Variants in ROBO1 observed in about 807,000 individuals in gnomAD.
ROBO1 encodes roundabout guidance receptor 1, also known as roundabout homolog 1.
Under a neutral mutation model 195.9 loss-of-function variants are expected in ROBO1, and 149 were observed. The observed-to-expected ratio is 0.76, with a 90% CI of 0.67 to 0.87. The LOEUF (loss-of-function observed/expected upper bound fraction) is 0.87. Among genes scored for constraint, ROBO1 ranks in the 40% least tolerant of loss-of-function variants. The pLI is 0.00. For missense variants in ROBO1, 1,933 were observed against 2,068.3 expected (o/e 0.93, Z 1.27); for synonymous variants, 816 against 733.2 (o/e 1.11, Z -1.82).
intron 4 of ROBO1, among the ~76,000 whole-genome samples, chr3:78,775,208 T>C (rs1317494784): frequency 8.5e-5 from 13 of 152,174 alleles, no homozygotes; most frequent in Non-Finnish European, 1.9e-4. Flanking sequence ...AATAGGAGTT[T>C]TTTCCACTAA....
At chr3:79,591,052 G>T (rs1264035152) in intron 1 of ROBO1, among the ~76,000 whole-genome samples, 1 of 151,732 alleles carries the variant, frequency 6.6e-6, no homozygotes. Context: ...AACTCTGGTA[G>T]GAATAGACAA....
chr3:78,759,683 T>C (rs1006750335), intron 4 of ROBO1, among the ~76,000 whole-genome samples: 1 of 152,200 alleles, frequency 6.6e-6, no homozygotes. Context: ...GGCTTCTGTC[T>C]GACAGATTTG....
intron 2 of ROBO1, among the ~76,000 whole-genome samples, chr3:79,549,494 T>C (rs1457346848): frequency 7.2e-5 from 11 of 152,184 alleles, no homozygotes; most frequent in African/African-American, 2.7e-4. Context: ...ATTGAAATTA[T>C]TTTTTAATAA....
intron 4 of ROBO1, among the ~76,000 whole-genome samples, chr3:78,919,282 A>G (rs1224742619): frequency 6.6e-6 from 1 of 152,192 alleles, no homozygotes; most frequent in African/African-American, 2.4e-5. Flanking sequence ...AGACTGAAAT[A>G]CTAGTACTTT....
chr3:79,576,386 A>G (rs887760784), intron 2 of ROBO1, among the ~76,000 whole-genome samples: 1 of 152,002 alleles, frequency 6.6e-6, no homozygotes, highest in Non-Finnish European at 1.5e-5. Context: ...CCATATTTCC[A>G]AAATCTTACC....
intron 3 of ROBO1, among the ~76,000 whole-genome samples, chr3:79,049,540 A>G (rs2078656465): frequency 1.3e-5 from 2 of 152,104 alleles, no homozygotes; most frequent in Non-Finnish European, 2.9e-5. Context: ...TTCAGGAAAT[A>G]CAAAGAGCAC....
At chr3:79,742,210 G>T (rs1230310591) in intron 1 of ROBO1, among the ~76,000 whole-genome samples, 5 of 152,190 alleles carry the variant, frequency 3.3e-5, no homozygotes, top group African/African-American at 4.8e-5. Flanking sequence ...TAATAGCCAA[G>T]ATGTTGGAGA....
intron 2 of ROBO1, among the ~76,000 whole-genome samples, chr3:79,254,498 A>G (rs1266174507): frequency 6.6e-6 from 1 of 152,088 alleles, no homozygotes; most frequent in Non-Finnish European, 1.5e-5. Flanking sequence ...ACACATACAC[A>G]CACAAAATAT....
intron 2 of ROBO1, among the ~76,000 whole-genome samples, chr3:79,417,717 G>A (rs1294468012): frequency 6.6e-6 from 1 of 152,092 alleles, no homozygotes; most frequent in Non-Finnish European, 1.5e-5. Flanking sequence ...TTACATCAGT[G>A]AGGTCAAGTG....
intron 2 of ROBO1, among the ~76,000 whole-genome samples, chr3:79,531,972 G>T (rs749746124): frequency 1.5e-4 from 23 of 152,236 alleles, no homozygotes; most frequent in Admixed American, 6.5e-4. Context: ...TTAGAATTTG[G>T]GAATACGATC....
chr3:78,656,568 G>A (rs1049680799), intron 18 of ROBO1, among the ~76,000 whole-genome samples: 6 of 151,918 alleles, frequency 3.9e-5, no homozygotes, highest in African/African-American at 1.5e-4. Context: ...AGCCAGGATG[G>A]TCTCGATCTC....
intron 2 of ROBO1, among the ~76,000 whole-genome samples, chr3:79,487,167 C>A (rs1939204204): frequency 1.0e-3 from 2 of 1,990 alleles, no homozygotes; most frequent in Admixed American, 4.4e-3. Flanking sequence ...ATGTAATATA[C>A]ATAAAATGTA....
intron 2 of ROBO1, among the ~76,000 whole-genome samples, chr3:79,494,668 T>C (rs1371475818): frequency 6.9e-6 from 1 of 144,460 alleles, no homozygotes. Context: ...TAGAGGAGAA[T>C]AGTAAAGAAA....
chr3:79,173,202 T>G (rs921525712), intron 2 of ROBO1, among the ~76,000 whole-genome samples: 1 of 152,124 alleles, frequency 6.6e-6, no homozygotes, highest in Non-Finnish European at 1.5e-5. Flanking sequence ...TCACTCGCTC[T>G]CGGTGCCTCC....
chr3:79,374,334 TCAAA>T (rs72402707), intron 2 of ROBO1, among the ~76,000 whole-genome samples: 5,223 of 152,198 alleles, frequency 0.034, 203 homozygotes, highest in African/African-American at 0.098. Flanking sequence ...TTCTTAGAGC[TCAAA>T]CATTCTTTCA....
intron 2 of ROBO1, among the ~76,000 whole-genome samples, chr3:79,215,751 T>C (rs2082045431): frequency 6.6e-6 from 1 of 152,206 alleles, no homozygotes; most frequent in African/African-American, 2.4e-5. Flanking sequence ...CCTGTTTTGG[T>C]AACACTTATT....
chr3:79,600,462 G>A (rs762258587), intron 1 of ROBO1, among the ~76,000 whole-genome samples: 6 of 151,904 alleles, frequency 3.9e-5, no homozygotes, highest in Non-Finnish European at 7.4e-5. Context: ...AAAAGGGAGT[G>A]AGAGAAAATT....
chr3:79,330,817 T>C (rs1043557499), intron 2 of ROBO1, among the ~76,000 whole-genome samples: 1 of 152,184 alleles, frequency 6.6e-6, no homozygotes, highest in Non-Finnish European at 1.5e-5. Context: ...CTCAGGCTTC[T>C]ATTTCTTTCT....
At chr3:79,700,323 G>GTGTT (rs974360439) in intron 1 of ROBO1, among the ~76,000 whole-genome samples, 1 of 147,636 alleles carries the variant, frequency 6.8e-6, no homozygotes, top group African/African-American at 2.6e-5. Context: ...GTGTTTGTGT[G>GTGTT]TGTGTGTGTG....
Sources: gnomAD v4.1 joint callset for allele counts (sites outside exome capture counted in the v4.1 genomes callset) on GRCh38, gnomAD v4.1.1 for gene constraint, MANE v1.5 for transcripts, NCBI Gene and HGNC (gene_info 2026-07-23, HGNC 2026-07-21) for gene names.